The following GRIA1 variants were observed in gnomAD, a reference collection of about 807,000 sequenced individuals.
GRIA1 encodes the protein glutamate receptor 1.
Under a neutral mutation model 99.2 loss-of-function variants are expected in GRIA1, and 31 were observed. The ratio of observed to expected loss-of-function variants is 0.31; its 90% CI spans 0.23 to 0.42. GRIA1 has a LOEUF of 0.42. Ranked by LOEUF, GRIA1 falls within the 10% of genes least tolerant of loss-of-function variation. The pLI, the probability that GRIA1 is intolerant of heterozygous loss-of-function variation, is 1.00. For synonymous variants in GRIA1, 438 were observed against 432.4 expected, an observed-to-expected ratio of 1.01 and a Z score of -0.16; for missense variants, 782 against 1,157.5, an observed-to-expected ratio of 0.68 and a Z score of 4.71.
chr5:153,688,425 G>A (rs1389509232), intron 8 of GRIA1, among the ~76,000 whole-genome samples: 1 of 152,196 alleles, frequency 6.6e-6, no homozygotes, highest in African/African-American at 2.4e-5. Flanking sequence ...TGCTGCTGGA[G>A]AAGACATTTG....
At chr5:153,723,622 C>A (rs976479915) in intron 11 of GRIA1, among the ~76,000 whole-genome samples, 4 of 152,216 alleles carry the variant, frequency 2.6e-5, no homozygotes, top group Non-Finnish European at 1.5e-5. Flanking sequence ...GTCCTACCCC[C>A]ACGGAGTCTC....
intron 2 of GRIA1, among the ~76,000 whole-genome samples, chr5:153,501,926 A>G (rs537274969): frequency 5.6e-4 from 85 of 152,370 alleles, no homozygotes; most frequent in Non-Finnish European, 9.3e-4. Flanking sequence ...AGGAAGACAT[A>G]CATAGCACTG....
chr5:153,537,517 G>A (rs1758693309), intron 2 of GRIA1, among the ~76,000 whole-genome samples: 1 of 152,176 alleles, frequency 6.6e-6, no homozygotes. Flanking sequence ...GTCCCTTTCT[G>A]CGCTGCTGCC....
At chr5:153,526,560 A>C (rs1033326817) in intron 2 of GRIA1, among the ~76,000 whole-genome samples, 3 of 152,202 alleles carry the variant, frequency 2.0e-5, no homozygotes, top group African/African-American at 7.2e-5. Flanking sequence ...GATCTTTGAA[A>C]CTGAATCCAA....
chr5:153,689,045 T>A (rs1324101911), intron 8 of GRIA1, among the ~76,000 whole-genome samples: 1 of 151,922 alleles, frequency 6.6e-6, no homozygotes, highest in Non-Finnish European at 1.5e-5. Context: ...TCTTTCTTTT[T>A]TGAGGCAGGG....
At chr5:153,689,926 A>G (rs1757624010) in intron 8 of GRIA1, among the ~76,000 whole-genome samples, 1 of 152,166 alleles carries the variant, frequency 6.6e-6, no homozygotes. Flanking sequence ...GTTGACCCTA[A>G]CTATTGCCCA....
rs183183490 is a variant in GRIA1 at position 153,658,954 on chromosome 5, G to A, written c.699+3082G>A. Among the ~76,000 whole-genome samples the A allele has an allele frequency of 1.7e-4, 25 of 148,278 alleles. 2 individuals are homozygous for A. In the East Asian group the frequency reaches 4.8e-3, roughly 29 times the overall value. On this transcript the variant is annotated intron_variant, in intron 5 of 15. Coordinates refer to ENST00000285900, the MANE Select transcript of GRIA1 (RefSeq NM_000827.4). ...GTAGGTTAGAGAAGACAACTTATAG[G>A]CAAGGAGTCAAAACAAAACAAAGCA...
intron 2 of GRIA1, among the ~76,000 whole-genome samples, chr5:153,617,388 G>T (rs1252952965): frequency 2.0e-5 from 3 of 152,192 alleles, no homozygotes; most frequent in African/African-American, 7.2e-5. Flanking sequence ...CAGCCGTTTG[G>T]TTCCCTGGGA....
At chr5:153,779,803 A>G (rs1384208894) in intron 13 of GRIA1, among the ~76,000 whole-genome samples, 1 of 152,168 alleles carries the variant, frequency 6.6e-6, no homozygotes, top group Non-Finnish European at 1.5e-5. Context: ...TTCATGATCC[A>G]TCCGCCTCGG....
At chr5:153,774,065 A>ACCCCACC (rs1764056280) in intron 13 of GRIA1, among the ~76,000 whole-genome samples, 1 of 54,896 alleles carries the variant, frequency 1.8e-5, no homozygotes. Context: ...CTACACCCCA[A>ACCCCACC]CCCCCCCTCC....
At chr5:153,577,980 G>A (rs1450020047) in intron 2 of GRIA1, among the ~76,000 whole-genome samples, 3 of 151,616 alleles carry the variant, frequency 2.0e-5, no homozygotes, top group African/African-American at 7.3e-5. Flanking sequence ...ACAAAACCCA[G>A]TCTCTACTAA....
At chr5:153,768,001 G>T (rs185086647) in intron 12 of GRIA1, among the ~76,000 whole-genome samples, 1 of 152,298 alleles carries the variant, frequency 6.6e-6, no homozygotes, top group East Asian at 1.9e-4. Context: ...AGGCTCCTCA[G>T]CTCTGCCTGT....
chr5:153,513,904 T>A (rs528386473), intron 2 of GRIA1, among the ~76,000 whole-genome samples: 24 of 152,318 alleles, frequency 1.6e-4, no homozygotes, highest in African/African-American at 5.1e-4. Context: ...AGGCATGGAA[T>A]GAAAAATTGC....
chr5:153,527,433 C>A (rs540108634), intron 2 of GRIA1, among the ~76,000 whole-genome samples: 67 of 152,280 alleles, frequency 4.4e-4, no homozygotes, highest in Admixed American at 1.2e-3. Context: ...TGACAAGGGG[C>A]AGACATGTGG....
chr5:153,767,615 A>G (rs1159902485), intron 12 of GRIA1, among the ~76,000 whole-genome samples: 1 of 152,068 alleles, frequency 6.6e-6, no homozygotes, highest in African/African-American at 2.4e-5. Context: ...AAGGTTACCT[A>G]CCACCCCCAC....
intron 11 of GRIA1, among the ~76,000 whole-genome samples, chr5:153,716,125 G>A (rs1259874374): frequency 6.6e-6 from 1 of 152,218 alleles, no homozygotes; most frequent in Admixed American, 6.5e-5. Context: ...TTTCTTTCAT[G>A]TGTTGTACCT....
chr5:153,564,112 C>T (rs1444235931), intron 2 of GRIA1, among the ~76,000 whole-genome samples: 1 of 152,138 alleles, frequency 6.6e-6, no homozygotes, highest in African/African-American at 2.4e-5. Flanking sequence ...TCTAGAGTCC[C>T]AGCCTTGCCA....
At chr5:153,528,873 G>A (rs1757849546) in intron 2 of GRIA1, among the ~76,000 whole-genome samples, 1 of 152,066 alleles carries the variant, frequency 6.6e-6, no homozygotes, top group South Asian at 2.1e-4. Flanking sequence ...TGACATCACT[G>A]CCCCCACTTG....
chr5:153,666,596 G>A (rs934851446), intron 5 of GRIA1, among the ~76,000 whole-genome samples: 7 of 152,158 alleles, frequency 4.6e-5, no homozygotes, highest in Non-Finnish European at 1.0e-4. Context: ...CTTTTTACTT[G>A]TTGGTCTCTG....
Sources: gnomAD v4.1 joint callset for allele counts (sites outside exome capture counted in the v4.1 genomes callset) on GRCh38, gnomAD v4.1.1 for gene constraint, MANE v1.5 for transcripts, NCBI Gene and HGNC (gene_info 2026-07-23, HGNC 2026-07-21) for gene names.